The following RAB3C variants were observed in gnomAD, a reference collection of about 807,000 sequenced individuals.
The protein encoded by RAB3C is RAB3C, member RAS oncogene family.
RAB3C carries 17 observed loss-of-function variants against 26.4 expected under a neutral mutation model. The observed-to-expected ratio is 0.64, with a 90% CI of 0.44 to 0.97. The LOEUF is 0.97. Among genes scored for constraint, RAB3C ranks in the 50% least tolerant of loss-of-function variants. The pLI, the probability that RAB3C is intolerant of heterozygous loss-of-function variation, is 0.00. For missense variants in RAB3C, 242 were observed against 281.9 expected, an observed-to-expected ratio of 0.86 and a Z score of 1.01; for synonymous variants, 91 against 95.9, an observed-to-expected ratio of 0.95 and a Z score of 0.30.
chr5:58,736,170 A>G lies in RAB3C; in HGVS notation c.371+10050A>G, dbSNP rs191852670. Among the ~76,000 whole-genome samples, 45 of 152,252 alleles carry G rather than the reference A, an allele frequency of 3.0e-4. No individual in the cohort carries two copies. In the East Asian group the frequency reaches 6.4e-3, roughly 22 times the overall value. On this transcript the variant is annotated intron_variant, in intron 3 of 4. Coordinates refer to ENST00000282878, the MANE Select transcript of RAB3C (RefSeq NM_138453.4). ...CCTGCAGCTCCTGCAGCATTGCACC[A>G]TTCCTAGCCACAACCTTAACAGCAT...
rs1748085481 is a variant in RAB3C, at chr5:58,670,268, C to T, written c.252+52398C>T. 1.3e-5 allele frequency among the ~76,000 whole-genome samples: 2 copies of T among 152,050 alleles called. 1 individual carries two copies. The highest frequency in any genetic ancestry group is 4.1e-4 in the South Asian group (2 of 4,826). ...GTCTGTAGTGATAAAGTCTTCTATT[C>T]TATGCCTACATACGCTTCTTAAAAT... On this transcript the variant is annotated intron_variant, in intron 2 of 4. Transcript: ENST00000282878.
At chr5:58,772,889 C>A (rs998592952) in intron 3 of RAB3C, among the ~76,000 whole-genome samples, 1 of 152,024 alleles carries the variant, frequency 6.6e-6, no homozygotes, top group Admixed American at 6.6e-5. Flanking sequence ...AAAGAAAAAT[C>A]ATGTTGCATT....
chr5:58,608,829 A>G (rs562540343), intron 1 of RAB3C, among the ~76,000 whole-genome samples: 1 of 152,276 alleles, frequency 6.6e-6, no homozygotes, highest in Non-Finnish European at 1.5e-5. Context: ...AAAATGTGGC[A>G]CATATACACC....
intron 2 of RAB3C, among the ~76,000 whole-genome samples, chr5:58,720,646 T>C (rs749447772): frequency 6.6e-6 from 1 of 151,910 alleles, no homozygotes; most frequent in Non-Finnish European, 1.5e-5. Flanking sequence ...CATATTCTTT[T>C]CTATAGCTTA....
intron 1 of RAB3C, among the ~76,000 whole-genome samples, chr5:58,600,653 T>TC (rs1746432531): frequency 6.6e-6 from 1 of 152,220 alleles, no homozygotes; most frequent in Non-Finnish European, 1.5e-5. Flanking sequence ...GCTTAGTTGC[T>TC]GTTGGTGTAT....
intron 3 of RAB3C, among the ~76,000 whole-genome samples, chr5:58,740,188 G>C (rs1024024574): frequency 6.6e-6 from 1 of 152,210 alleles, no homozygotes; most frequent in Admixed American, 6.5e-5. Flanking sequence ...AGCAGTTCAG[G>C]AGCCCAGAGT....
At chr5:58,738,403 GTGTGCA>G (rs1416387459) in intron 3 of RAB3C, among the ~76,000 whole-genome samples, 2 of 152,220 alleles carry the variant, frequency 1.3e-5, no homozygotes, top group East Asian at 1.9e-4. Context: ...AAGTGTGTGT[GTGTGCA>G]TGTGCATGTG....
intron 4 of RAB3C, among the ~76,000 whole-genome samples, chr5:58,842,013 A>T (rs528877071): frequency 6.6e-6 from 1 of 152,274 alleles, no homozygotes; most frequent in African/African-American, 2.4e-5. Context: ...CTTTATTGGG[A>T]TACAGAGCAA....
chr5:58,688,245 A>C (rs1222382468), intron 2 of RAB3C, among the ~76,000 whole-genome samples: 2 of 152,040 alleles, frequency 1.3e-5, no homozygotes, highest in African/African-American at 4.8e-5. Context: ...TGCTCCTCAT[A>C]GCTCAAGCCT....
chr5:58,778,584 T>G (rs1742201124), intron 3 of RAB3C, among the ~76,000 whole-genome samples: 1 of 152,130 alleles, frequency 6.6e-6, no homozygotes. Flanking sequence ...TCAGACTTCC[T>G]TGCTTTTCTT....
At chr5:58,794,372 G>A (rs2112018168) in intron 3 of RAB3C, 2 of 151,544 alleles carry the variant, frequency 1.3e-5, no homozygotes, top group East Asian at 1.9e-4. Flanking sequence ...ACAGAAGCTT[G>A]TGGGAACCAT....
chr5:58,805,255 A>T (rs1742910122), intron 3 of RAB3C, among the ~76,000 whole-genome samples: 1 of 152,168 alleles, frequency 6.6e-6, no homozygotes, highest in Non-Finnish European at 1.5e-5. Flanking sequence ...AATACAAAAT[A>T]ATATTCTTTA....
intron 4 of RAB3C, among the ~76,000 whole-genome samples, chr5:58,837,322 C>T (rs1207171839): frequency 2.0e-5 from 3 of 151,918 alleles, no homozygotes; most frequent in Non-Finnish European, 4.4e-5. Flanking sequence ...GCTGGGATTA[C>T]AGGCGTGCAC....
intron 3 of RAB3C, among the ~76,000 whole-genome samples, chr5:58,804,936 T>C (rs11742257): frequency 0.16 from 24,167 of 151,230 alleles, 2,187 homozygotes; most frequent in Non-Finnish European, 0.21. Flanking sequence ...CTATACTGAA[T>C]GTTCCATGTT....
intron 3 of RAB3C, among the ~76,000 whole-genome samples, chr5:58,739,810 T>G (rs945158008): frequency 6.6e-6 from 1 of 152,226 alleles, no homozygotes; most frequent in African/African-American, 2.4e-5. Context: ...AGAATAACAG[T>G]TGGTTCACAT....
chr5:58,754,696 T>C (rs1741613475), intron 3 of RAB3C, among the ~76,000 whole-genome samples: 1 of 152,154 alleles, frequency 6.6e-6, no homozygotes, highest in African/African-American at 2.4e-5. Context: ...AAACAAATGT[T>C]TATATCGTGC....
chr5:58,710,401 C>G (rs1271803562), intron 2 of RAB3C, among the ~76,000 whole-genome samples: 1 of 151,902 alleles, frequency 6.6e-6, no homozygotes, highest in South Asian at 2.1e-4. Flanking sequence ...GAGTTCGAGA[C>G]CAGCCTGGCC....
At chr5:58,753,534 T>C (rs965679223) in intron 3 of RAB3C, among the ~76,000 whole-genome samples, 5 of 152,098 alleles carry the variant, frequency 3.3e-5, no homozygotes, top group Non-Finnish European at 7.3e-5. Flanking sequence ...TATAGTAGTC[T>C]TTCGAGTCAA....
At chr5:58,711,208 T>A (rs1749053316) in intron 2 of RAB3C, among the ~76,000 whole-genome samples, 1 of 152,216 alleles carries the variant, frequency 6.6e-6, no homozygotes, top group South Asian at 2.1e-4. Context: ...TTATTTTCTC[T>A]TCTCCCCTGG....
Sources: gnomAD v4.1 joint callset for allele counts (sites outside exome capture counted in the v4.1 genomes callset) on GRCh38, gnomAD v4.1.1 for gene constraint, MANE v1.5 for transcripts, NCBI Gene and HGNC (gene_info 2026-07-23, HGNC 2026-07-21) for gene names.